RYR3: variants seen among roughly 807,000 people sequenced by gnomAD.
RYR3 encodes brain ryanodine receptor-calcium release channel.
In RYR3, 207 loss-of-function variants were observed where a neutral mutation model predicts 584.3. That is an observed-to-expected ratio of 0.35 (90% CI 0.32 to 0.40). RYR3 has a LOEUF of 0.40. RYR3 is among the 10% of genes least tolerant of loss of function. The pLI, the probability that RYR3 is intolerant of heterozygous loss-of-function variation, is 1.00. For synonymous variants in RYR3, 2,416 were observed against 2,248.5 expected, an observed-to-expected ratio of 1.07 and a Z score of -2.11; for missense variants, 5,616 against 6,089.2, an observed-to-expected ratio of 0.92 and a Z score of 2.59.
At chr15:33,625,115 A>G (rs921848694) in intron 20 of RYR3, among the ~76,000 whole-genome samples, 3 of 152,206 alleles carry the variant, frequency 2.0e-5, no homozygotes, top group African/African-American at 4.8e-5. Context: ...ACTTAAAATC[A>G]TGGCGGAAGG....
chr15:33,480,335 G>A (rs2049845580), intron 2 of RYR3, among the ~76,000 whole-genome samples: 1 of 152,136 alleles, frequency 6.6e-6, no homozygotes, highest in South Asian at 2.1e-4. Flanking sequence ...CATCTCATAG[G>A]ATTATTATGA....
intron 12 of RYR3, among the ~76,000 whole-genome samples, chr15:33,568,535 A>G (rs1435592172): frequency 6.6e-6 from 1 of 152,080 alleles, no homozygotes; most frequent in Non-Finnish European, 1.5e-5. Context: ...AGCTCAAGCA[A>G]TCCTCCCACC....
At position 33,861,142 on chromosome 15, in the gene RYR3, C is replaced by T. The variant is rs776922626; in HGVS notation, c.14429C>T (p.Thr4810Ile). Residue 4810 changes from threonine to isoleucine, a missense_variant, in exon 102 of 104, where the codon ACA becomes ATA. This residue lies in a region of RYR3 where 918 missense variants were observed against 887.4 expected (regional missense o/e 1.03). Transcript: ENST00000634891. ...YFDTTPHGFE[T>I]HTLQEHNLAN... ...GACACAACCCCTCATGGTTTTGAAA[C>T]ACATACATTACAAGAGCACAACTTA... 5 of 1,596,748 alleles carry T rather than the reference C, an allele frequency of 3.1e-6. No individual in the cohort carries two copies. The highest frequency in any genetic ancestry group is 1.1e-5 in the South Asian group (1 of 87,830).
intron 46 of RYR3, among the ~76,000 whole-genome samples, chr15:33,727,004 G>A (rs2068516273): frequency 6.6e-6 from 1 of 152,256 alleles, no homozygotes; most frequent in Non-Finnish European, 1.5e-5. Flanking sequence ...AGACCTTGCT[G>A]TCCTCCTATG....
chr15:33,494,323 A>C (rs2572165), intron 2 of RYR3, among the ~76,000 whole-genome samples: 4 of 151,988 alleles, frequency 2.6e-5, no homozygotes, highest in African/African-American at 7.3e-5. Flanking sequence ...ACCTTCTCCA[A>C]TTTCCTTGCA....
intron 98 of RYR3, among the ~76,000 whole-genome samples, 155 bp from the exon 99 acceptor site, chr15:33,857,625 G>A (rs1282369270): frequency 6.6e-6 from 1 of 152,030 alleles, no homozygotes; most frequent in South Asian, 2.1e-4. Flanking sequence ...CTCTGCTCAT[G>A]GCCTGATAGC....
chr15:33,562,896 A>G lies in RYR3; in HGVS notation c.1032A>G (p.Pro344=), dbSNP rs1265772314. The change falls in exon 11 of 104, where the codon CCA becomes CCG. Residue 344 remains proline, a synonymous_variant. Coordinates refer to ENST00000634891, the MANE Select transcript of RYR3 (RefSeq NM_001036.6). Reference sequence around the variant, plus strand: ...GAGACATAGAAGGCATGGGAGTTCCAGAAATCAAGTATGGAGATTCTGTCT... The same window carrying G: ...GAGACATAGAAGGCATGGGAGTTCCGGAAATCAAGTATGGAGATTCTGTCT... The part of the protein sequence containing the change: ...HKRDIEGMGV[P]EIKYGDSVCF... 2 of 1,613,492 alleles carry G rather than the reference A, an allele frequency of 1.2e-6. No individual in the cohort carries two copies. Among genetic ancestry groups the G allele is most frequent in the Admixed American group, 3.3e-5 (2 of 59,998 alleles).
chr15:33,388,146 G>A (rs2596199), intron 1 of RYR3, among the ~76,000 whole-genome samples: 115,836 of 152,078 alleles, frequency 0.76, 44,233 homozygotes, highest in Non-Finnish European at 0.79. Context: ...GAAAACATAA[G>A]AACAGGCCAC....
At chr15:33,584,035 A>T (rs1046634999) in intron 14 of RYR3, among the ~76,000 whole-genome samples, 2 of 151,924 alleles carry the variant, frequency 1.3e-5, no homozygotes, top group African/African-American at 4.8e-5. Flanking sequence ...CTGGGCAACA[A>T]GAGTGAAAAC....
intron 3 of RYR3, among the ~76,000 whole-genome samples, chr15:33,518,438 C>T (rs1219202974): frequency 1.3e-5 from 2 of 150,992 alleles, no homozygotes; most frequent in South Asian, 2.2e-4. Flanking sequence ...GTGAACCATA[C>T]TTGGTGTTTT....
intron 68 of RYR3, among the ~76,000 whole-genome samples, chr15:33,801,363 T>G (rs2075908505): frequency 6.6e-6 from 1 of 152,182 alleles, no homozygotes; most frequent in Non-Finnish European, 1.5e-5. Flanking sequence ...TGTTTCATAT[T>G]TAGACATTTA....
At position 33,660,212 on chromosome 15, in the gene RYR3, T is replaced by C; in HGVS notation, c.4411T>C (p.Ser1471Pro). 6.4e-7 allele frequency: 1 copy of C among 1,552,018 alleles called. No individual in the cohort carries two copies. The highest frequency in any genetic ancestry group is 1.2e-5 in the South Asian group (1 of 84,052). Residue 1471 changes from serine (S) to proline (P), a missense_variant, in exon 34 of 104, where the codon TCA (serine) becomes CCA (proline). Physicochemically the swap from Ser to Pro is moderately conservative, Grantham distance 74. This residue lies in a region of RYR3 where 753 missense variants were observed against 741.0 expected (regional missense o/e 1.02). Transcript: ENST00000634891. ...LGKLKNAMPL[S>P]AAIFRSEEKN... ...CGTGCCCCAGAACGCAATGCCCCTG[T>C]CAGCGGCCATATTCAGGAGTGAAGA...
At chr15:33,835,142 C>A in intron 87 of RYR3, 70 bp downstream of exon 87, 1 of 1,200,536 alleles carries the variant, frequency 8.3e-7, no homozygotes, top group Non-Finnish European at 1.2e-6. Context: ...CCTTGGTGTT[C>A]CCATTGTGAT....
At chr15:33,493,550 T>G (rs1000011520) in intron 2 of RYR3, among the ~76,000 whole-genome samples, 7 of 152,206 alleles carry the variant, frequency 4.6e-5, no homozygotes, top group African/African-American at 1.7e-4. Flanking sequence ...AGGTATTAGT[T>G]GCTACTCATC....
Position 33,404,428 on chromosome 15 carries a change from G to A in RYR3, c.52-68991G>A, listed in dbSNP as rs1422575449. The stretch of plus-strand genomic sequence containing the variant: ...TGGCTGTGACCGTGAGACCAAGCTT[G>A]TCTGCTCTCAAAGCTCAGGTTCTTC... On this transcript the variant is annotated intron_variant, in intron 1 of 103. Transcript: ENST00000634891. Among the ~76,000 whole-genome samples the A allele has an allele frequency of 2.0e-5, 3 of 152,202 alleles. No individual in the cohort carries two copies. In the South Asian group the frequency reaches 6.2e-4, roughly 31 times the overall value.
intron 67 of RYR3, among the ~76,000 whole-genome samples, chr15:33,792,391 C>T (rs1306790265): frequency 6.6e-6 from 1 of 152,128 alleles, no homozygotes; most frequent in Non-Finnish European, 1.5e-5. Flanking sequence ...ACCCAGAATC[C>T]TCATTCTTTC....
intron 2 of RYR3, among the ~76,000 whole-genome samples, chr15:33,484,943 A>G (rs1387876307): frequency 1.3e-5 from 2 of 152,210 alleles, no homozygotes; most frequent in Non-Finnish European, 2.9e-5. Flanking sequence ...GTAACTCCTT[A>G]GTAAAGGAAT....
chr15:33,523,598 T>C (rs1367162685), intron 3 of RYR3, among the ~76,000 whole-genome samples: 2 of 151,982 alleles, frequency 1.3e-5, no homozygotes, highest in African/African-American at 2.4e-5. Flanking sequence ...AGTAGGATCT[T>C]TGGAGTTTGG....
At chr15:33,565,544 TGA>T (rs1267923032) in intron 11 of RYR3, among the ~76,000 whole-genome samples, 26 of 152,200 alleles carry the variant, frequency 1.7e-4, no homozygotes, top group Admixed American at 1.7e-3. Context: ...ATGCTAAAAA[TGA>T]GAGAGACCAA....
Sources: gnomAD v4.1 joint callset for allele counts (sites outside exome capture counted in the v4.1 genomes callset) on GRCh38, gnomAD v4.1.1 for gene constraint, gnomAD v4.1.1 regional missense constraint, MANE v1.5 for transcripts, NCBI Gene and HGNC (gene_info 2026-07-23, HGNC 2026-07-21) for gene names.